The following VAPA variants were observed in gnomAD, a reference collection of about 807,000 sequenced individuals.
The protein encoded by VAPA is VAMP associated protein A.
VAPA carries 6 observed loss-of-function variants against 25.6 expected under a neutral mutation model. The observed-to-expected ratio is 0.23, with a 90% CI of 0.13 to 0.46. The LOEUF is 0.46. Among genes scored for constraint, VAPA ranks in the 20% least tolerant of loss-of-function variants. The probability of loss-of-function intolerance (pLI) is 0.99; values close to 1 mark genes in which losing one functional copy is unlikely to be tolerated. For synonymous variants in VAPA, 112 were observed against 106.2 expected, an observed-to-expected ratio of 1.05 and a Z score of -0.34; for missense variants, 244 against 302.1, an observed-to-expected ratio of 0.81 and a Z score of 1.43.
chr18:9,946,442 TTTC>T (rs2069424441), intron 4 of VAPA, among the ~76,000 whole-genome samples: 1 of 151,680 alleles, frequency 6.6e-6, no homozygotes. Context: ...ATTCGTAAAC[TTTC>T]TTAAAACACT....
At chr18:9,940,530 A>T (rs547534778) in intron 4 of VAPA, among the ~76,000 whole-genome samples, 1 of 152,318 alleles carries the variant, frequency 6.6e-6, no homozygotes, top group South Asian at 2.1e-4. Flanking sequence ...AATTTTAATG[A>T]TAAAACTGTG....
chr18:9,935,094 CAAAAAA>C (rs34998578), intron 2 of VAPA, among the ~76,000 whole-genome samples: 1 of 86,856 alleles, frequency 1.2e-5, no homozygotes. Flanking sequence ...GACTCCGTCT[CAAAAAA>C]AAAAAAAAAA....
intron 4 of VAPA, chr18:9,945,146 G>A: frequency 6.9e-7 from 1 of 1,452,026 alleles, no homozygotes; most frequent in Non-Finnish European, 9.5e-7. Flanking sequence ...GTGGTATTGT[G>A]AGTATGTTGT....
intron 5 of VAPA, among the ~76,000 whole-genome samples, chr18:9,952,642 A>C (rs2069502584): frequency 6.6e-6 from 1 of 151,578 alleles, no homozygotes; most frequent in Non-Finnish European, 1.5e-5. Context: ...GCCCACCATA[A>C]TTTTTTGCCA....
At chr18:9,935,752 T>C (rs764779768) in intron 2 of VAPA, among the ~76,000 whole-genome samples, 26 of 152,338 alleles carry the variant, frequency 1.7e-4, no homozygotes, top group Middle Eastern at 3.4e-3. Context: ...GTTGGCAAAG[T>C]TTTGAAAATT....
rs1228365475 is a variant in VAPA, at chr18:9,957,310, G to T, written c.*3099G>T. On this transcript the variant is annotated 3_prime_UTR_variant, in exon 6 of 6. Coordinates refer to ENST00000400000, the MANE Select transcript of VAPA (RefSeq NM_194434.3). ...AGTGCTGGGATTACAGGTGTGAGCT[G>T]CCGCACCCAGCCAAGAAAAATAATA... 1.3e-5 allele frequency: 2 copies of T among 152,106 alleles called. No individual in the cohort carries two copies. The highest frequency in any genetic ancestry group is 2.9e-5 in the Non-Finnish European group (2 of 68,022). The allele number at this position is 152,106 out of a possible 1,614,324, so 9.4% of individuals were successfully genotyped here.
chr18:9,926,259 C>G (rs749297295), intron 1 of VAPA, among the ~76,000 whole-genome samples: 7 of 152,114 alleles, frequency 4.6e-5, no homozygotes, highest in Non-Finnish European at 8.8e-5. Context: ...CAGCATAACC[C>G]TTGTGTAACT....
Position 9,925,787 on chromosome 18 carries a change from G to A in VAPA, c.80-6023G>A, listed in dbSNP as rs187058048. Among the ~76,000 whole-genome samples, 19 of 152,136 alleles carry A rather than the reference G, an allele frequency of 1.2e-4. No homozygotes were observed. In the South Asian group the frequency reaches 3.5e-3, roughly 28 times the overall value. ...CTTATTTCAGGAAGTGTTCAGTGTT[G>A]ACCTGTGTGACCAAGAGAAATACAA... On this transcript the variant is annotated intron_variant, in intron 1 of 5. Coordinates refer to ENST00000400000, the MANE Select transcript of VAPA (RefSeq NM_194434.3).
intron 1 of VAPA, among the ~76,000 whole-genome samples, chr18:9,919,500 C>T (rs1029696595): frequency 3.3e-5 from 5 of 152,042 alleles, no homozygotes; most frequent in Non-Finnish European, 5.9e-5. Context: ...TAAAGTGTAC[C>T]CCTGAAGAGC....
At chr18:9,936,754 A>C in intron 3 of VAPA, 1 of 443,350 alleles carries the variant, frequency 2.3e-6, no homozygotes, top group Non-Finnish European at 4.0e-6. Context: ...AGAAAGTCCT[A>C]TGGTTGCTAG....
chr18:9,915,815 T>C (rs2069107698), intron 1 of VAPA: 1 of 152,222 alleles, frequency 6.6e-6, no homozygotes, highest in South Asian at 2.1e-4. Context: ...GTGAGCTACT[T>C]GTTGGGTAAG....
chr18:9,940,328 A>G (rs751928302), intron 4 of VAPA, among the ~76,000 whole-genome samples: 1 of 151,788 alleles, frequency 6.6e-6, no homozygotes, highest in Non-Finnish European at 1.5e-5. Flanking sequence ...TAATGTGGCA[A>G]GATTTTTCCA....
chr18:9,952,047 T>G (rs966613138), intron 5 of VAPA, among the ~76,000 whole-genome samples: 1 of 152,194 alleles, frequency 6.6e-6, no homozygotes, highest in Non-Finnish European at 1.5e-5. Flanking sequence ...AAAGATGTGC[T>G]CCTTAGGGTG....
intron 5 of VAPA, among the ~76,000 whole-genome samples, chr18:9,953,369 T>C (rs545648999): frequency 6.6e-6 from 1 of 152,246 alleles, no homozygotes; most frequent in South Asian, 2.1e-4. Context: ...GAAACAGTAT[T>C]CTTTCTCTGC....
At chr18:9,927,802 TTTGA>T (rs1379205140) in intron 1 of VAPA, among the ~76,000 whole-genome samples, 1 of 152,074 alleles carries the variant, frequency 6.6e-6, no homozygotes, top group East Asian at 1.9e-4. Context: ...TACATTTCTG[TTTGA>T]TTGTAAAAAT....
At chr18:9,952,259 T>C (rs1371770012) in intron 5 of VAPA, among the ~76,000 whole-genome samples, 1 of 152,132 alleles carries the variant, frequency 6.6e-6, no homozygotes, top group Non-Finnish European at 1.5e-5. Context: ...ATGATTCTGC[T>C]GCTGGAAAAG....
In VAPA at chr18:9,914,232, G is replaced by A. The variant is rs749291033; in HGVS notation, c.-25G>A. 35 of 1,565,476 alleles carry A rather than the reference G, an allele frequency of 2.2e-5. No homozygotes were observed. The Middle Eastern group carries it at 5.3e-4, about 24-fold the overall frequency. On this transcript the variant is annotated 5_prime_UTR_variant, in exon 1 of 6. Coordinates refer to ENST00000400000, the MANE Select transcript of VAPA (RefSeq NM_194434.3). ...GTCAGCAAACCGCCGCCGCGGGCGC[G>A]CCCCCGCTCTGCGCTGTCTCTCCGA...
intron 2 of VAPA, among the ~76,000 whole-genome samples, chr18:9,932,326 A>G (rs2069263959): frequency 6.6e-6 from 1 of 152,228 alleles, no homozygotes. Context: ...ATGCAGCTAT[A>G]GAAGTGTCAT....
chr18:9,932,525 G>T (rs951139533), intron 2 of VAPA, among the ~76,000 whole-genome samples: 1 of 152,168 alleles, frequency 6.6e-6, no homozygotes, highest in Non-Finnish European at 1.5e-5. Context: ...ACTTACTCCT[G>T]CTGTGGAGTT....
Sources: allele counts gnomAD v4.1 joint callset (sites outside exome capture counted in the v4.1 genomes callset), GRCh38; gene constraint gnomAD v4.1.1; transcripts MANE v1.5; gene names NCBI Gene and HGNC (gene_info 2026-07-23, HGNC 2026-07-21).